The following PKIG variants were observed in gnomAD, a reference collection of about 807,000 sequenced individuals.
The protein encoded by PKIG is cAMP-dependent protein kinase inhibitor gamma.
Under a neutral mutation model 6.8 loss-of-function variants are expected in PKIG, and 1 was observed. The observed-to-expected ratio is 0.15, with a 90% CI of 0.05 to 0.69. PKIG has a LOEUF of 0.69. Among genes scored for constraint, PKIG ranks in the 30% least tolerant of loss-of-function variants. The pLI is 0.82. For synonymous variants in PKIG, 39 were observed against 43.0 expected (o/e 0.91, Z 0.36); for missense variants, 77 against 104.0 (o/e 0.74, Z 1.13).
chr20:44,602,794 T>TC (rs2065132497), intron 2 of PKIG, among the ~76,000 whole-genome samples: 1 of 144,938 alleles, frequency 6.9e-6, no homozygotes, highest in African/African-American at 2.6e-5. Context: ...TGAGCAGAGA[T>TC]CATGCCACTG....
At chr20:44,540,338 G>A (rs938335090) in intron 1 of PKIG, among the ~76,000 whole-genome samples, 2 of 152,132 alleles carry the variant, frequency 1.3e-5, no homozygotes, top group African/African-American at 2.4e-5. Context: ...GTTCAAGCAT[G>A]CTACTTATAA....
chr20:44,587,086 G>A (rs75595440), intron 1 of PKIG, among the ~76,000 whole-genome samples: 1,528 of 152,302 alleles, frequency 0.01, 11 homozygotes, highest in Non-Finnish European at 0.017. Flanking sequence ...TTCCATAAAT[G>A]TACATTGAGG....
At chr20:44,583,134 T>C (rs953927323) in intron 1 of PKIG, among the ~76,000 whole-genome samples, 3 of 152,200 alleles carry the variant, frequency 2.0e-5, no homozygotes, top group African/African-American at 7.2e-5. Context: ...AAGAAAAGTC[T>C]CCGAAAGTAG....
At chr20:44,564,960 A>G (rs1352415937) in intron 1 of PKIG, among the ~76,000 whole-genome samples, 1 of 152,248 alleles carries the variant, frequency 6.6e-6, no homozygotes, top group Non-Finnish European at 1.5e-5. Context: ...ACCAGTAAAA[A>G]TCATTAATAA....
At chr20:44,548,677 T>G (rs186389167) in intron 1 of PKIG, among the ~76,000 whole-genome samples, 1 of 152,258 alleles carries the variant, frequency 6.6e-6, no homozygotes, top group Non-Finnish European at 1.5e-5. Flanking sequence ...TTATAACAAT[T>G]TGCTCAACTC....
intron 3 of PKIG, among the ~76,000 whole-genome samples, chr20:44,615,519 C>A (rs961755640): frequency 6.6e-6 from 1 of 152,098 alleles, no homozygotes; most frequent in Non-Finnish European, 1.5e-5. Flanking sequence ...ACCCCCACCC[C>A]CTCCATTCCC....
chr20:44,557,960 A>G (rs780566864), intron 1 of PKIG, among the ~76,000 whole-genome samples: 1 of 152,228 alleles, frequency 6.6e-6, no homozygotes, highest in Non-Finnish European at 1.5e-5. Flanking sequence ...CAGAGGGACT[A>G]GGAACCTCAC....
At chr20:44,607,080 A>C (rs2065169555) in intron 2 of PKIG, among the ~76,000 whole-genome samples, 1 of 152,202 alleles carries the variant, frequency 6.6e-6, no homozygotes, top group African/African-American at 2.4e-5. Context: ...GAAGTTGGCA[A>C]TACCTGTTAT....
intron 1 of PKIG, among the ~76,000 whole-genome samples, chr20:44,549,405 C>G (rs1042468282): frequency 2.6e-5 from 4 of 151,990 alleles, no homozygotes; most frequent in African/African-American, 9.7e-5. Context: ...GTCTTTTTTT[C>G]TGGATTATTT....
chr20:44,614,818 T>C lies in PKIG; in HGVS notation c.151+111T>C, dbSNP rs113857957. On this transcript the variant is annotated intron_variant, in intron 3 of 3. Coordinates refer to ENST00000372886, the MANE Select transcript of PKIG (RefSeq NM_001281445.2). This position sits in a 1 kb window ranked among gnomAD's most constrained non-coding sequence, Gnocchi z 4.6. ...ATACTTTCTTAGAGAAGAAACCACA[T>C]TTAAGTCAGGCCTGCCCCATGGTCA... The C allele has an allele frequency of 0.051, 57,094 of 1,123,154 alleles. 1,713 individuals are homozygous for C. Among genetic ancestry groups the C allele is most frequent in the Middle Eastern group, 0.094 (326 of 3,478 alleles). 69.6% of individuals were successfully genotyped at this position (1,123,154 alleles called of 1,614,324 possible).
chr20:44,583,656 G>A (rs917238861), intron 1 of PKIG, among the ~76,000 whole-genome samples: 3 of 152,170 alleles, frequency 2.0e-5, no homozygotes, highest in African/African-American at 7.2e-5. Flanking sequence ...GGTCACCCAA[G>A]GAAACTGTCA....
chr20:44,612,863 C>T (rs1307726639), intron 2 of PKIG, among the ~76,000 whole-genome samples: 1 of 152,128 alleles, frequency 6.6e-6, no homozygotes, highest in African/African-American at 2.4e-5. Context: ...AGTCCCAGTG[C>T]TGTGTGTGGC....
At chr20:44,573,276 C>T (rs1048341080) in intron 1 of PKIG, among the ~76,000 whole-genome samples, 3 of 152,092 alleles carry the variant, frequency 2.0e-5, no homozygotes, top group African/African-American at 7.3e-5. Flanking sequence ...ATGTCTCCCC[C>T]TCTCTCTCTC....
chr20:44,569,967 G>A (rs939002366), intron 1 of PKIG, among the ~76,000 whole-genome samples: 1 of 152,096 alleles, frequency 6.6e-6, no homozygotes, highest in African/African-American at 2.4e-5. Context: ...GTCTCCACAG[G>A]AAATGAAAAA....
chr20:44,567,054 A>G (rs1407039725), intron 1 of PKIG, among the ~76,000 whole-genome samples: 1 of 152,142 alleles, frequency 6.6e-6, no homozygotes, highest in Non-Finnish European at 1.5e-5. Context: ...GCTACTAACA[A>G]TAAGTGTCTG....
intron 2 of PKIG, among the ~76,000 whole-genome samples, chr20:44,597,174 T>A (rs2065082203): frequency 6.6e-6 from 1 of 152,070 alleles, no homozygotes; most frequent in South Asian, 2.1e-4. Context: ...CCTCAGTCGC[T>A]CCACCCAGCA....
chr20:44,552,082 T>G (rs544436475), intron 1 of PKIG, among the ~76,000 whole-genome samples: 3 of 152,230 alleles, frequency 2.0e-5, no homozygotes, highest in Non-Finnish European at 2.9e-5. Flanking sequence ...TAGCTTTATT[T>G]CTCCCTGTGC....
chr20:44,566,084 C>T (rs905803189), intron 1 of PKIG, among the ~76,000 whole-genome samples: 7 of 152,194 alleles, frequency 4.6e-5, no homozygotes, highest in Non-Finnish European at 1.0e-4. Context: ...TTTTAAAACT[C>T]TTACAACATT....
At chr20:44,565,460 A>G (rs1600856047) in intron 1 of PKIG, among the ~76,000 whole-genome samples, 1 of 152,218 alleles carries the variant, frequency 6.6e-6, no homozygotes, top group Admixed American at 6.5e-5. Context: ...AAGTGAAGCA[A>G]TCACAGACAA....
Sources: gnomAD v4.1 joint callset for allele counts (sites outside exome capture counted in the v4.1 genomes callset) on GRCh38, gnomAD v4.1.1 for gene constraint, Gnocchi (gnomAD v3.1) non-coding constraint, MANE v1.5 for transcripts, NCBI Gene and HGNC (gene_info 2026-07-23, HGNC 2026-07-21) for gene names.